The following DENND1B variants were observed in gnomAD, a reference collection of about 807,000 sequenced individuals.
The protein encoded by DENND1B is DENN domain containing 1B, also known as DENN domain-containing protein 1B.
A neutral mutation model predicts 90.1 loss-of-function variants in DENND1B; 59 were observed. That is an observed-to-expected ratio of 0.65 (90% CI 0.53 to 0.81). The LOEUF (loss-of-function observed/expected upper bound fraction) is 0.81, where lower values mean the gene tolerates loss of function less well. Ranked by LOEUF, DENND1B falls within the 40% of genes least tolerant of loss-of-function variation. DENND1B has a pLI of 0.00. For missense variants in DENND1B, 862 were observed against 912.6 expected (o/e 0.94, Z 0.71); for synonymous variants, 337 against 324.6 (o/e 1.04, Z -0.41).
At chr1:197,663,470 G>T (rs760250527) in intron 5 of DENND1B, among the ~76,000 whole-genome samples, 3 of 152,120 alleles carry the variant, frequency 2.0e-5, no homozygotes, top group Non-Finnish European at 4.4e-5. Context: ...ACAGCAAACA[G>T]TGCTAACTGG....
At chr1:197,669,481 T>G (rs1400311867) in intron 5 of DENND1B, among the ~76,000 whole-genome samples, 1 of 152,146 alleles carries the variant, frequency 6.6e-6, no homozygotes, top group Non-Finnish European at 1.5e-5. Flanking sequence ...TTTCCAATTT[T>G]CTGAATAAGA....
chr1:197,550,992 T>C (rs1259262791), intron 16 of DENND1B, among the ~76,000 whole-genome samples: 1 of 151,906 alleles, frequency 6.6e-6, no homozygotes, highest in East Asian at 1.9e-4. Flanking sequence ...AACAGGTTAA[T>C]TTCATGACAT....
At chr1:197,564,909 G>T (rs1405888011) in intron 15 of DENND1B, among the ~76,000 whole-genome samples, 1 of 151,876 alleles carries the variant, frequency 6.6e-6, no homozygotes, top group African/African-American at 2.4e-5. Context: ...AAGAGATGCT[G>T]GGAGAAAAAG....
At chr1:197,567,928 G>C (rs750872585) in intron 15 of DENND1B, among the ~76,000 whole-genome samples, 21 of 151,280 alleles carry the variant, frequency 1.4e-4, no homozygotes, top group Non-Finnish European at 2.7e-4. Flanking sequence ...AAACACAGAA[G>C]TAGAAATCCT....
intron 2 of DENND1B, among the ~76,000 whole-genome samples, chr1:197,761,044 A>C (rs1654978611): frequency 6.6e-6 from 1 of 152,184 alleles, no homozygotes; most frequent in African/African-American, 2.4e-5. Flanking sequence ...GAAAGAACCA[A>C]CACATAATCT....
At chr1:197,689,479 A>C (rs1657623772) in intron 3 of DENND1B, 1 of 152,286 alleles carries the variant, frequency 6.6e-6, no homozygotes, top group African/African-American at 2.4e-5. Context: ...TGACTGTGCT[A>C]TCCTTACTGT....
intron 2 of DENND1B, among the ~76,000 whole-genome samples, chr1:197,770,024 G>A (rs936849380): frequency 2.0e-5 from 3 of 151,826 alleles, no homozygotes; most frequent in Non-Finnish European, 4.4e-5. Flanking sequence ...TTTATCATTT[G>A]TTATTTATTA....
intron 6 of DENND1B, among the ~76,000 whole-genome samples, chr1:197,655,532 C>CTT (rs766590749): frequency 2.1e-4 from 30 of 142,282 alleles, no homozygotes; most frequent in African/African-American, 4.1e-4. Flanking sequence ...GCTACATTAA[C>CTT]TTTTTTTTTT....
intron 15 of DENND1B, among the ~76,000 whole-genome samples, chr1:197,572,972 G>GATC: frequency 1.3e-5 from 2 of 152,278 alleles, no homozygotes; most frequent in South Asian, 4.2e-4. Context: ...ATTTCTGTGG[G>GATC]ATCGGTGGTG....
rs1671372978 is a variant in DENND1B, at chr1:197,553,018, T to A, written c.1240+4A>T. On this transcript the variant is annotated splice_donor_region_variant and intron_variant, in intron 16 of 22. Transcript: ENST00000620048. ...TGGATAATCATATTGTAACTTGTCT[T>A]TACCTCCACAAAAGCCACCTGAAGT... 1 of 1,576,012 alleles carries A rather than the reference T, an allele frequency of 6.3e-7. No homozygotes were observed. Among genetic ancestry groups the A allele is most frequent in the Admixed American group, 2.0e-5 (1 of 49,318 alleles).
intron 3 of DENND1B, among the ~76,000 whole-genome samples, chr1:197,676,879 A>G (rs577546312): frequency 6.6e-6 from 1 of 152,196 alleles, no homozygotes; most frequent in East Asian, 1.9e-4. Flanking sequence ...TTGATCTTGT[A>G]AGAGAGAACT....
chr1:197,586,274 T>C (rs10922260), intron 14 of DENND1B, among the ~76,000 whole-genome samples: 69,913 of 151,974 alleles, frequency 0.46, 18,816 homozygotes, highest in East Asian at 0.66. Context: ...CTGAAAAAAA[T>C]GTAAAACAAT....
chr1:197,725,757 A>T (rs1217934759), intron 2 of DENND1B, among the ~76,000 whole-genome samples: 1 of 152,000 alleles, frequency 6.6e-6, no homozygotes, highest in African/African-American at 2.4e-5. Flanking sequence ...GGGCCTTGAG[A>T]GTGATAAAAA....
chr1:197,584,217 T>A (rs2125777292), intron 14 of DENND1B, among the ~76,000 whole-genome samples: 1 of 152,318 alleles, frequency 6.6e-6, no homozygotes, highest in South Asian at 2.1e-4. Flanking sequence ...TTATTACAGA[T>A]ATCTTTAAGT....
intron 7 of DENND1B, among the ~76,000 whole-genome samples, chr1:197,650,859 C>T (rs1341854005): frequency 9.9e-5 from 15 of 152,038 alleles, no homozygotes; most frequent in Admixed American, 9.2e-4. Context: ...ACTTTGGAGA[C>T]TTGGGGAGAA....
At chr1:197,573,563 TCAATAG>T (rs1222393005) in intron 15 of DENND1B, among the ~76,000 whole-genome samples, 1 of 152,042 alleles carries the variant, frequency 6.6e-6, no homozygotes, top group East Asian at 1.9e-4. Context: ...ACTATTACAA[TCAATAG>T]AAAAAGAGGG....
chr1:197,607,662 A>C (rs1047974335), intron 12 of DENND1B, among the ~76,000 whole-genome samples: 7 of 150,768 alleles, frequency 4.6e-5, no homozygotes, highest in Non-Finnish European at 7.4e-5. Flanking sequence ...GGTGATGAGG[A>C]CTGAAAGCTG....
At chr1:197,665,376 C>T (rs1305124632) in intron 5 of DENND1B, among the ~76,000 whole-genome samples, 1 of 152,120 alleles carries the variant, frequency 6.6e-6, no homozygotes, top group Non-Finnish European at 1.5e-5. Context: ...ATAAAAGCAG[C>T]TTTAAAGCAT....
Position 197,688,372 on chromosome 1 carries a change from G to A in DENND1B, c.127-14203C>T, listed in dbSNP as rs148892704. On this transcript the variant is annotated intron_variant, in intron 3 of 22. Transcript: ENST00000620048. ...GACCCCAAATAGCTAAAACAATCTT[G>A]AGAAAGAAGAACAAAGGTGGAGGCT... Among the ~76,000 whole-genome samples the A allele has an allele frequency of 2.0e-5, 3 of 152,144 alleles. No homozygotes were observed. In the East Asian group the frequency reaches 5.8e-4, roughly 29 times the overall value.
Sources: gnomAD v4.1 joint callset for allele counts (sites outside exome capture counted in the v4.1 genomes callset) on GRCh38, gnomAD v4.1.1 for gene constraint, MANE v1.5 for transcripts, NCBI Gene and HGNC (gene_info 2026-07-23, HGNC 2026-07-21) for gene names.